Variants in HDC observed in about 807,000 individuals in gnomAD.
The protein encoded by HDC is histidine decarboxylase.
In HDC, 27 loss-of-function variants were observed where a neutral mutation model predicts 64.4. The observed-to-expected ratio is 0.42, with a 90% confidence interval of 0.31 to 0.58. The LOEUF (loss-of-function observed/expected upper bound fraction) is 0.58. HDC is among the 20% of genes least tolerant of loss of function. The pLI, the probability that HDC is intolerant of heterozygous loss-of-function variation, is 0.16. For missense variants in HDC, 711 were observed against 833.9 expected (o/e 0.85, Z 1.81); for synonymous variants, 305 against 314.2 (o/e 0.97, Z 0.31).
At chr15:50,249,015 A>G (rs1349264744) in intron 9 of HDC, among the ~76,000 whole-genome samples, 2 of 152,258 alleles carry the variant, frequency 1.3e-5, no homozygotes, top group Non-Finnish European at 2.9e-5. Flanking sequence ...ATTTCTGTCT[A>G]GAGCCAAGAT....
intron 11 of HDC, 66 bp from the exon 12 acceptor site, chr15:50,243,072 A>C: frequency 6.2e-7 from 1 of 1,613,896 alleles, no homozygotes; most frequent in Non-Finnish European, 8.5e-7. Flanking sequence ...AGAGCCCAGC[A>C]TTTGTGTTTC....
chr15:50,263,487 G>T, intron 1 of HDC, 80 bp from the exon 2 acceptor site: 1 of 1,360,534 alleles, frequency 7.4e-7, no homozygotes, highest in Non-Finnish European at 1.0e-6. Flanking sequence ...TCAGGTCCGG[G>T]CCAAGAGACT....
At chr15:50,253,256 C>T (rs571644231) in intron 7 of HDC, 12 of 393,630 alleles carry the variant, frequency 3.0e-5, no homozygotes, top group South Asian at 2.7e-4. Context: ...GAATAGAAAG[C>T]ATTTCTATTC....
At chr15:50,253,196 A>T (rs1227922164) in intron 7 of HDC, 4 of 369,664 alleles carry the variant, frequency 1.1e-5, no homozygotes, top group Non-Finnish European at 2.0e-5. Flanking sequence ...CTCTGCCTTT[A>T]ATCTCTCCCA....
intron 2 of HDC, among the ~76,000 whole-genome samples, chr15:50,262,870 C>T (rs1229300785): frequency 6.6e-6 from 1 of 152,130 alleles, no homozygotes; most frequent in African/African-American, 2.4e-5. Context: ...CTTCCTCTCC[C>T]CTGTCTTACT....
At chr15:50,246,252 C>T (rs28715273) in intron 10 of HDC, among the ~76,000 whole-genome samples, 4,421 of 152,214 alleles carry the variant, frequency 0.029, 232 homozygotes, top group African/African-American at 0.1. Flanking sequence ...GAAGGCATTA[C>T]GCAAGTGTCA....
chr15:50,243,352 A>G, intron 10 of HDC, 108 bp from the exon 11 acceptor site: 1 of 783,614 alleles, frequency 1.3e-6, no homozygotes, highest in Non-Finnish European at 2.3e-6. Context: ...TTCCCGTCAC[A>G]GCCGTTGTAA....
At chr15:50,252,284 C>T (rs1354915511) in intron 9 of HDC, 146 bp downstream of exon 9, 1 of 672,472 alleles carries the variant, frequency 1.5e-6, no homozygotes, top group Non-Finnish European at 2.7e-6. Context: ...AATTAGAAAC[C>T]AAGGTATGCA....
At chr15:50,244,498 G>A (rs909356306) in intron 10 of HDC, 1 of 151,766 alleles carries the variant, frequency 6.6e-6, no homozygotes, top group African/African-American at 2.4e-5. Flanking sequence ...AAAGACAGTG[G>A]TCTCACTAGG....
chr15:50,263,649 A>T (rs903461274), intron 1 of HDC, among the ~76,000 whole-genome samples: 1 of 152,052 alleles, frequency 6.6e-6, no homozygotes, highest in African/African-American at 2.4e-5. Context: ...AAATACAAAA[A>T]ATTAGCCGGG....
intron 2 of HDC, 34 bp from the exon 3 acceptor site, chr15:50,258,551 G>A (rs752057342): frequency 7.6e-7 from 1 of 1,309,438 alleles, no homozygotes; most frequent in Non-Finnish European, 1.1e-6. Flanking sequence ...TTGGCACCAG[G>A]AGGCATTTCC....
chr15:50,258,268 T>C, intron 3 of HDC, 136 bp downstream of exon 3: 1 of 694,098 alleles, frequency 1.4e-6, no homozygotes, highest in Non-Finnish European at 2.7e-6. Flanking sequence ...AAATAAAGCG[T>C]AAGCTTAAAG....
At chr15:50,263,538 A>G in intron 1 of HDC, 131 bp from the exon 2 acceptor site, 1 of 820,898 alleles carries the variant, frequency 1.2e-6, no homozygotes, top group Non-Finnish European at 2.0e-6. Context: ...ACAGTGGCTC[A>G]TGCCTGTAAT....
Position 50,254,586 on chromosome 15 carries a change from G to A in HDC, c.520C>T (p.Pro174Ser). Residue 174 changes from proline to serine, a missense_variant, in exon 5 of 12, where the codon CCC becomes TCC. Physicochemically the swap from Pro to Ser is moderately conservative, Grantham distance 74 (BLOSUM62 -1). Coordinates refer to ENST00000267845, the MANE Select transcript of HDC (RefSeq NM_002112.4). ...NKILEMKTSE[P>S]DADESCLNAR... is the part of the protein sequence containing the mutation. ...TTTAGGCAGGACTCATCAGCATCGG[G>A]CTCAGACGTTTTCATTTCCAGGATT... The A allele has an allele frequency of 6.2e-7, 1 of 1,614,196 alleles. No homozygotes were observed. The highest frequency in any genetic ancestry group is 8.5e-7 in the Non-Finnish European group (1 of 1,180,042).
chr15:50,262,814 C>T (rs860526), intron 2 of HDC, among the ~76,000 whole-genome samples: 80,425 of 151,892 alleles, frequency 0.53, 21,698 homozygotes, highest in Middle Eastern at 0.61. Flanking sequence ...AGACACTGTA[C>T]AGAAGAGTCT....
intron 2 of HDC, among the ~76,000 whole-genome samples, chr15:50,260,813 G>T (rs1486478697): frequency 6.6e-6 from 1 of 152,174 alleles, no homozygotes; most frequent in East Asian, 1.9e-4. Flanking sequence ...GAGCAGGGTG[G>T]TGTCCTGACT....
rs1595714219 is a variant in HDC at position 50,265,723 on chromosome 15, A to G, written c.-100T>C. 2 of 1,053,752 alleles carry G rather than the reference A, an allele frequency of 1.9e-6. No individual in the cohort carries two copies. Among genetic ancestry groups the G allele is most frequent in the African/African-American group, 3.1e-5 (2 of 64,108 alleles). 65.3% of individuals were successfully genotyped at this position (1,053,752 alleles called of 1,614,324 possible). On this transcript the variant is annotated 5_prime_UTR_variant, in exon 1 of 12. Coordinates refer to ENST00000267845, the MANE Select transcript of HDC (RefSeq NM_002112.4). Reference sequence around the variant, plus strand: ...GGCTTCCCTCTTGCCAGTCCTGCGCACTCCCTGGCAGCCAGTGTGGGCCCT... The same window carrying G: ...GGCTTCCCTCTTGCCAGTCCTGCGCGCTCCCTGGCAGCCAGTGTGGGCCCT...
Position 50,242,938 on chromosome 15 carries a change from C to T in HDC, c.1311G>A (p.Pro437=), listed in dbSNP as rs1201743920. ...TGATTAACTTGTCCTGGATAGTGGC[C>T]GGGATGAGGAAGAGACGGCCAGCTT... ...IAKAGRLFLI[P]ATIQDKLIIR... Residue 437 remains proline (P), a synonymous_variant, in exon 12 of 12, where the codon CCG becomes CCA. Coordinates refer to ENST00000267845, the MANE Select transcript of HDC (RefSeq NM_002112.4). 6.2e-6 allele frequency: 10 copies of T among 1,613,928 alleles called. 1 individual carries two copies. The highest frequency in any genetic ancestry group is 3.3e-5 in the South Asian group (3 of 91,082).
At chr15:50,262,071 C>G (rs1224560540) in intron 2 of HDC, among the ~76,000 whole-genome samples, 1 of 151,990 alleles carries the variant, frequency 6.6e-6, no homozygotes, top group Non-Finnish European at 1.5e-5. Flanking sequence ...AAGCTGGCCT[C>G]AGGAAGAGCC....
Sources: allele counts gnomAD v4.1 joint callset (sites outside exome capture counted in the v4.1 genomes callset), GRCh38; gene constraint gnomAD v4.1.1; transcripts MANE v1.5; gene names NCBI Gene and HGNC (gene_info 2026-07-23, HGNC 2026-07-21).